The following RBFOX1 variants were observed in gnomAD, a reference collection of about 807,000 sequenced individuals.
The protein encoded by RBFOX1 is RNA binding fox-1 homolog 1, also known as RNA binding protein fox-1 homolog 1.
Under a neutral mutation model 57.7 loss-of-function variants are expected in RBFOX1, and 8 were observed. That is an observed-to-expected ratio of 0.14 (90% confidence interval 0.08 to 0.25). The LOEUF is 0.25. RBFOX1 is among the 10% of genes least tolerant of loss of function. RBFOX1 has a pLI of 1.00. For missense variants in RBFOX1, 611 were observed against 548.5 expected, an observed-to-expected ratio of 1.11 and a Z score of -1.14; for synonymous variants, 326 against 222.4, an observed-to-expected ratio of 1.47 and a Z score of -4.15.
At chr16:5,864,681 T>C (rs2057303675) in intron 3 of RBFOX1, among the ~76,000 whole-genome samples, 1 of 152,094 alleles carries the variant, frequency 6.6e-6, no homozygotes, top group African/African-American at 2.4e-5. Context: ...TAGTTTATAA[T>C]ATGGATGGAT....
intron 2 of RBFOX1, among the ~76,000 whole-genome samples, chr16:6,506,342 A>T (rs1239410025): frequency 6.6e-6 from 1 of 152,078 alleles, no homozygotes; most frequent in South Asian, 2.1e-4. Flanking sequence ...CCAGACACTC[A>T]GATCTATGGG....
intron 3 of RBFOX1, among the ~76,000 whole-genome samples, chr16:6,979,730 A>T (rs1361651883): frequency 6.6e-6 from 1 of 152,202 alleles, no homozygotes; most frequent in Non-Finnish European, 1.5e-5. Flanking sequence ...GGCTGTGATC[A>T]TTCCTCCTAA....
chr16:6,096,880 C>T (rs946966541), intron 1 of RBFOX1, among the ~76,000 whole-genome samples: 1 of 152,178 alleles, frequency 6.6e-6, no homozygotes, highest in Non-Finnish European at 1.5e-5. Context: ...CTGCCAAGTC[C>T]CAGACCCTTC....
At chr16:5,773,897 C>T (rs1054271188) in intron 3 of RBFOX1, among the ~76,000 whole-genome samples, 4 of 152,036 alleles carry the variant, frequency 2.6e-5, no homozygotes, top group Non-Finnish European at 5.9e-5. Flanking sequence ...GGGGTTTCAC[C>T]ATGTTAGGTT....
intron 3 of RBFOX1, among the ~76,000 whole-genome samples, chr16:6,759,127 A>G (rs1223078101): frequency 6.7e-6 from 1 of 149,134 alleles, no homozygotes; most frequent in African/African-American, 2.5e-5. Context: ...GAAAAAGTGG[A>G]GTTTCATATT....
At chr16:6,490,357 G>A (rs1308544358) in intron 2 of RBFOX1, among the ~76,000 whole-genome samples, 1 of 152,154 alleles carries the variant, frequency 6.6e-6, no homozygotes, top group Admixed American at 6.5e-5. Context: ...TGAGTACATG[G>A]ATGGAACATT....
intron 4 of RBFOX1, among the ~76,000 whole-genome samples, chr16:7,468,800 ACT>A (rs1261820083): frequency 2.6e-5 from 4 of 151,940 alleles, no homozygotes; most frequent in Non-Finnish European, 5.9e-5. Context: ...TCAAGAGCAA[ACT>A]CTTTCTTTTG....
intron 4 of RBFOX1, among the ~76,000 whole-genome samples, chr16:5,886,423 A>G (rs1369194239): frequency 6.6e-6 from 1 of 152,258 alleles, no homozygotes; most frequent in African/African-American, 2.4e-5. Flanking sequence ...CTGTAGAAAT[A>G]GACAGAAATA....
chr16:7,647,382 G>A (rs1027712793), intron 11 of RBFOX1, among the ~76,000 whole-genome samples: 8 of 152,242 alleles, frequency 5.3e-5, no homozygotes, highest in African/African-American at 1.4e-4. Context: ...TGCTGGATAA[G>A]GCTTCAGAAG....
intron 3 of RBFOX1, among the ~76,000 whole-genome samples, chr16:7,030,854 T>A (rs2042606407): frequency 6.6e-6 from 1 of 152,232 alleles, no homozygotes; most frequent in Non-Finnish European, 1.5e-5. Context: ...CACACATTTT[T>A]TCTTTTGTCT....
chr16:7,391,987 GCT>G (rs1396113800), intron 4 of RBFOX1, among the ~76,000 whole-genome samples: 1 of 152,168 alleles, frequency 6.6e-6, no homozygotes, highest in African/African-American at 2.4e-5. Context: ...TAGAATACAA[GCT>G]CTCTCTGTCT....
intron 3 of RBFOX1, among the ~76,000 whole-genome samples, chr16:6,683,749 C>G (rs944599417): frequency 6.6e-6 from 1 of 152,124 alleles, no homozygotes; most frequent in Non-Finnish European, 1.5e-5. Flanking sequence ...CAGGTAGTGC[C>G]CATCAGAGAT....
At chr16:5,295,892 C>T (rs1292964069) in intron 1 of RBFOX1, among the ~76,000 whole-genome samples, 1 of 152,224 alleles carries the variant, frequency 6.6e-6, no homozygotes, top group East Asian at 1.9e-4. Flanking sequence ...AATTATGCTT[C>T]TTACCTCTAG....
rs2065352395 is a variant in RBFOX1 at position 6,718,825 on chromosome 16, T to C, written c.-16+64175T>C. Reference sequence around the variant, plus strand: ...CATAAACACACTGGCAGAAGAGATGTGCATGTTTCTTTCTTTTTTTCTTAT... The same window carrying C: ...CATAAACACACTGGCAGAAGAGATGCGCATGTTTCTTTCTTTTTTTCTTAT... On this transcript the variant is annotated intron_variant, in intron 3 of 15. Transcript: ENST00000550418. Among the ~76,000 whole-genome samples, 3 of 152,224 alleles carry C rather than the reference T, an allele frequency of 2.0e-5. No homozygotes were observed. The South Asian group carries it at 6.2e-4, about 32-fold the overall frequency.
intron 4 of RBFOX1, among the ~76,000 whole-genome samples, chr16:7,476,534 G>A (rs1375276977): frequency 6.6e-6 from 1 of 152,174 alleles, no homozygotes; most frequent in African/African-American, 2.4e-5. Flanking sequence ...AGATACAAGA[G>A]GAAAACTTGA....
At chr16:5,540,246 C>G (rs1437346610) in intron 2 of RBFOX1, among the ~76,000 whole-genome samples, 1 of 152,168 alleles carries the variant, frequency 6.6e-6, no homozygotes, top group African/African-American at 2.4e-5. Flanking sequence ...AAGTTATTGG[C>G]TGTAGCTTGC....
intron 1 of RBFOX1, among the ~76,000 whole-genome samples, chr16:5,406,436 A>C (rs1182344342): frequency 1.3e-5 from 2 of 152,154 alleles, no homozygotes; most frequent in Non-Finnish European, 2.9e-5. Context: ...CTTTGGACCC[A>C]GACTAGGATG....
intron 1 of RBFOX1, among the ~76,000 whole-genome samples, chr16:6,100,277 C>G (rs1427244878): frequency 6.6e-6 from 1 of 152,174 alleles, no homozygotes; most frequent in Admixed American, 6.5e-5. Flanking sequence ...ATTCTCCTGC[C>G]TCAGCCTCCC....
At chr16:7,304,188 G>C (rs2142136301) in intron 4 of RBFOX1, 1 of 972,462 alleles carries the variant, frequency 1.0e-6, no homozygotes, top group Non-Finnish European at 1.2e-6. Flanking sequence ...GAGGAGGAAA[G>C]AGGGGGAGAG....
Sources: allele counts gnomAD v4.1 joint callset (sites outside exome capture counted in the v4.1 genomes callset), GRCh38; gene constraint gnomAD v4.1.1; transcripts MANE v1.5; gene names NCBI Gene and HGNC (gene_info 2026-07-23, HGNC 2026-07-21).